SYN3: variants seen among roughly 807,000 people sequenced by gnomAD.
SYN3 encodes synapsin III, also known as synapsin-3.
SYN3 carries 35 observed loss-of-function variants against 65.8 expected under a neutral mutation model. That is an observed-to-expected ratio of 0.53 (90% CI 0.41 to 0.70). The LOEUF (loss-of-function observed/expected upper bound fraction) is 0.70, where lower values mean the gene tolerates loss of function less well. Among genes scored for constraint, SYN3 ranks in the 30% least tolerant of loss-of-function variants. The pLI is 0.00. For missense variants in SYN3, 680 were observed against 749.0 expected, an observed-to-expected ratio of 0.91 and a Z score of 1.08; for synonymous variants, 270 against 292.9, an observed-to-expected ratio of 0.92 and a Z score of 0.80.
At chr22:32,980,280 G>A (rs1229956910) in intron 3 of SYN3, among the ~76,000 whole-genome samples, 1 of 152,164 alleles carries the variant, frequency 6.6e-6, no homozygotes, top group African/African-American at 2.4e-5. Context: ...CCTAAACTAT[G>A]CTCTCTAGCC....
intron 6 of SYN3, among the ~76,000 whole-genome samples, chr22:32,819,993 T>C (rs2047190158): frequency 6.6e-6 from 1 of 151,828 alleles, no homozygotes; most frequent in Admixed American, 6.6e-5. Context: ...TTGTTTGTTT[T>C]AGAGCCCAAG....
chr22:33,009,812 TA>T (rs2053305119), intron 1 of SYN3, among the ~76,000 whole-genome samples: 1 of 73,374 alleles, frequency 1.4e-5, no homozygotes, highest in Non-Finnish European at 3.0e-5. Flanking sequence ...GCATATAATA[TA>T]AATATAATAT....
chr22:32,629,825 G>C (rs1419068616), intron 6 of SYN3: 2 of 152,066 alleles, frequency 1.3e-5, no homozygotes, highest in African/African-American at 4.8e-5. Flanking sequence ...GAGGGGAACA[G>C]AGCTGGATGA....
intron 1 of SYN3, among the ~76,000 whole-genome samples, chr22:33,026,559 T>C (rs558328423): frequency 9.2e-5 from 14 of 152,318 alleles, no homozygotes; most frequent in African/African-American, 3.4e-4. Context: ...GGGCTGACCT[T>C]AGCCTGGGTT....
chr22:32,737,952 C>G (rs1235184072), intron 6 of SYN3, among the ~76,000 whole-genome samples: 1 of 152,216 alleles, frequency 6.6e-6, no homozygotes, highest in Non-Finnish European at 1.5e-5. Context: ...TGCAGGAGGA[C>G]TGCCTGACCC....
chr22:32,986,096 C>T (rs148594610), intron 2 of SYN3, among the ~76,000 whole-genome samples: 40 of 152,176 alleles, frequency 2.6e-4, no homozygotes, highest in African/African-American at 9.4e-4. Context: ...CACTGTGTCT[C>T]CAGTATCCAG....
chr22:32,736,675 G>A (rs1459229678), intron 6 of SYN3, among the ~76,000 whole-genome samples: 1 of 152,060 alleles, frequency 6.6e-6, no homozygotes, highest in Admixed American at 6.5e-5. Flanking sequence ...TCTGAGTCCA[G>A]AATCTATGCC....
intron 4 of SYN3, among the ~76,000 whole-genome samples, chr22:32,890,071 GC>G (rs1321325898): frequency 9.1e-4 from 62 of 67,940 alleles, no homozygotes; most frequent in African/African-American, 2.6e-3. Flanking sequence ...AGATTTAGCT[GC>G]TTTTTTTTTT....
At chr22:32,959,424 G>A (rs1467438389) in intron 3 of SYN3, among the ~76,000 whole-genome samples, 2 of 151,890 alleles carry the variant, frequency 1.3e-5, no homozygotes, top group South Asian at 2.1e-4. Context: ...GGTGGTGCAC[G>A]CCTGTAATCT....
Position 32,821,161 on chromosome 22 carries a change from A to C in SYN3, c.711+43754T>G, listed in dbSNP as rs945330453. Among the ~76,000 whole-genome samples, 52 of 152,328 alleles carry C rather than the reference A, an allele frequency of 3.4e-4. 1 individual carries two copies. The highest frequency in any genetic ancestry group is 1.2e-3 in the African/African-American group (50 of 41,580). ...ATGAACTTAGAGTCAAAAAAAGCAG[A>C]GATGGAATCCCGTCTCTGCCTTTTA... On this transcript the variant is annotated intron_variant, in intron 6 of 13. Transcript: ENST00000358763.
intron 6 of SYN3, among the ~76,000 whole-genome samples, chr22:32,679,839 C>CTTTTTTGTTTTTTTTTTTTTTTTT (rs2060497708): frequency 2.6e-5 from 1 of 39,150 alleles, no homozygotes; most frequent in Non-Finnish European, 4.6e-5. Flanking sequence ...TGTTTTTTGG[C>CTTTTTTGTTTTTTTTTTTTTTTTT]TTTTTTTTTT....
At chr22:32,683,378 AC>A in intron 6 of SYN3, among the ~76,000 whole-genome samples, 1 of 151,962 alleles carries the variant, frequency 6.6e-6, no homozygotes, top group South Asian at 2.1e-4. Flanking sequence ...CCATGGCCAT[AC>A]TTTTTATGCC....
intron 6 of SYN3, among the ~76,000 whole-genome samples, chr22:32,813,953 ATT>A (rs2046985404): frequency 6.6e-6 from 1 of 152,162 alleles, no homozygotes; most frequent in Admixed American, 6.5e-5. Context: ...CAGCCATCAT[ATT>A]ATTACTACAT....
intron 4 of SYN3, among the ~76,000 whole-genome samples, chr22:32,926,363 C>T (rs925674191): frequency 6.6e-6 from 1 of 152,190 alleles, no homozygotes; most frequent in Non-Finnish European, 1.5e-5. Context: ...CTCCTAATCT[C>T]CAATAATCAG....
intron 6 of SYN3, among the ~76,000 whole-genome samples, chr22:32,748,134 C>A (rs2044993979): frequency 6.6e-6 from 1 of 152,174 alleles, no homozygotes; most frequent in Non-Finnish European, 1.5e-5. Flanking sequence ...GATAATCTCA[C>A]CAAACCTCAG....
At chr22:32,920,942 T>A (rs1601698839) in intron 4 of SYN3, among the ~76,000 whole-genome samples, 1 of 152,198 alleles carries the variant, frequency 6.6e-6, no homozygotes, top group South Asian at 2.1e-4. Context: ...ATAGCTTCAA[T>A]GGACCAGCTC....
At chr22:32,718,787 T>C (rs1398262042) in intron 6 of SYN3, among the ~76,000 whole-genome samples, 1 of 151,990 alleles carries the variant, frequency 6.6e-6, no homozygotes, top group East Asian at 1.9e-4. Context: ...AAAGATAAAA[T>C]ACATGTGTGA....
chr22:32,966,325 C>T (rs2051842820), intron 3 of SYN3, among the ~76,000 whole-genome samples: 1 of 152,056 alleles, frequency 6.6e-6, no homozygotes, highest in Admixed American at 6.5e-5. Flanking sequence ...GGAGGAGAGA[C>T]GTGCATAAGC....
intron 6 of SYN3, among the ~76,000 whole-genome samples, chr22:32,850,404 G>A (rs915183171): frequency 6.6e-6 from 1 of 152,056 alleles, no homozygotes; most frequent in Non-Finnish European, 1.5e-5. Flanking sequence ...CATGTTACTT[G>A]TAAGGAGGAG....
Sources: allele counts gnomAD v4.1 joint callset (sites outside exome capture counted in the v4.1 genomes callset), GRCh38; gene constraint gnomAD v4.1.1; transcripts MANE v1.5; gene names NCBI Gene and HGNC (gene_info 2026-07-23, HGNC 2026-07-21).